CFAP100: variants seen among roughly 807,000 people sequenced by gnomAD.
CFAP100 encodes cilia and flagella associated protein 100.
A neutral mutation model predicts 81.5 loss-of-function variants in CFAP100; 70 were observed. The ratio of observed to expected loss-of-function variants is 0.86; its 90% CI spans 0.71 to 1.05. CFAP100 has a LOEUF of 1.05. CFAP100 is among the 50% of genes least tolerant of loss of function. The pLI, the probability that CFAP100 is intolerant of heterozygous loss-of-function variation, is 0.00. For missense variants in CFAP100, 811 were observed against 776.5 expected, an observed-to-expected ratio of 1.04 and a Z score of -0.53; for synonymous variants, 341 against 314.8, an observed-to-expected ratio of 1.08 and a Z score of -0.88.
Position 126,411,361 on chromosome 3 carries a change from GTTTTTTTTTTT to G in CFAP100, c.131-2708_131-2698del, listed in dbSNP as rs58954079. Among the ~76,000 whole-genome samples, 239 of 35,400 alleles carry G rather than the reference GTTTTTTTTTTT, an allele frequency of 6.8e-3. 2 individuals carry two copies. Among genetic ancestry groups the G allele is most frequent in the African/African-American group, 0.025 (210 of 8,302 alleles). The allele number at this position is 35,400 out of a possible 152,430, so 23.2% of individuals were successfully genotyped here. ...TCTGTAGTTTTTTTTGTTGTTGTTG[GTTTTTTTTTTT>G]TTTTTTTTTTTTTTTGCTCGTGTCC... On this transcript the variant is annotated intron_variant, in intron 3 of 16. Transcript: ENST00000352312.
intron 2 of CFAP100, among the ~76,000 whole-genome samples, chr3:126,401,870 G>A (rs1157719235): frequency 6.6e-6 from 1 of 152,150 alleles, no homozygotes; most frequent in Admixed American, 6.5e-5. Flanking sequence ...TGCCAGCCAT[G>A]CTGGCCCCAG....
intron 11 of CFAP100, chr3:126,420,632 G>A (rs138511853): frequency 1.0e-3 from 203 of 194,630 alleles, no homozygotes; most frequent in African/African-American, 4.6e-3. Flanking sequence ...TTTGAAAGGT[G>A]AGCTGAGGGC....
intron 10 of CFAP100, 30 bp downstream of exon 10, chr3:126,420,051 G>A (rs1384124492): frequency 6.2e-7 from 1 of 1,613,136 alleles, no homozygotes; most frequent in East Asian, 2.2e-5. Flanking sequence ...CTGAGGAGGA[G>A]CCTGGCTCTG....
chr3:126,411,705 C>T (rs995389217), intron 3 of CFAP100, among the ~76,000 whole-genome samples: 2 of 152,100 alleles, frequency 1.3e-5, no homozygotes, highest in African/African-American at 2.4e-5. Flanking sequence ...CATACATGTT[C>T]GTAGTAGTCT....
chr3:126,430,630 G>T, intron 13 of CFAP100, among the ~76,000 whole-genome samples: 1 of 150,218 alleles, frequency 6.7e-6, no homozygotes, highest in African/African-American at 2.5e-5. Flanking sequence ...TTGCCCTTTT[G>T]CTCCTCTAGC....
chr3:126,401,980 G>A (rs1424191091), intron 2 of CFAP100, among the ~76,000 whole-genome samples: 1 of 152,178 alleles, frequency 6.6e-6, no homozygotes, highest in South Asian at 2.1e-4. Context: ...TCCTCCGTGG[G>A]CTCCCTGATT....
At chr3:126,401,318 T>C (rs2082974915) in intron 2 of CFAP100, among the ~76,000 whole-genome samples, 1 of 148,306 alleles carries the variant, frequency 6.7e-6, no homozygotes, top group Non-Finnish European at 1.5e-5. Context: ...TAAAAATAAT[T>C]AAAATAGCAA....
At chr3:126,409,520 T>C (rs1038718550) in intron 3 of CFAP100, among the ~76,000 whole-genome samples, 2 of 152,192 alleles carry the variant, frequency 1.3e-5, no homozygotes, top group Non-Finnish European at 2.9e-5. Flanking sequence ...AGTGGATAAA[T>C]GAAGTTTTCC....
Position 126,419,075 on chromosome 3 carries a change from G to T in CFAP100, c.651-1G>T. On this transcript the variant is annotated splice_acceptor_variant, in intron 7 of 16. Coordinates refer to ENST00000352312, the MANE Select transcript of CFAP100 (RefSeq NM_182628.3). LOFTEE classifies it high-confidence loss of function. ...CTCCTCCCCCGCCGCCCAACCCCTA[G>T]GGCTGAGAAGGAGACCAAAGCCAAG... is the stretch of plus-strand genomic sequence containing the variant. 2 of 1,211,770 alleles carry T rather than the reference G, an allele frequency of 1.7e-6. No individual in the cohort carries two copies. The highest frequency in any genetic ancestry group is 4.1e-5 in the East Asian group (1 of 24,678). The allele number at this position is 1,211,770 out of a possible 1,614,324, so 75.1% of individuals were successfully genotyped here. A position where few individuals can be genotyped will look rare whatever the true frequency, so the allele number is the denominator to read the frequency against.
At chr3:126,422,468 G>A (rs147274830) in intron 11 of CFAP100, among the ~76,000 whole-genome samples, 24 of 146,908 alleles carry the variant, frequency 1.6e-4, no homozygotes, top group African/African-American at 4.7e-4. Flanking sequence ...TCCCTGAGGT[G>A]CCTGGGGCAA....
In CFAP100 at chr3:126,414,661, C is replaced by T. The variant is rs188567154; in HGVS notation, c.225+482C>T. ...CACGGCACGCACACACGTGCTCCTC[C>T]GGGTGCCTAGGATCCCTGGGCCAGC... is the stretch of plus-strand genomic sequence containing the variant. On this transcript the variant is annotated intron_variant, in intron 4 of 16. Coordinates refer to ENST00000352312, the MANE Select transcript of CFAP100 (RefSeq NM_182628.3). Among the ~76,000 whole-genome samples the T allele has an allele frequency of 1.5e-4, 23 of 152,336 alleles. No homozygotes were observed. The East Asian group carries it at 1.7e-3, about 12-fold the overall frequency.
intron 3 of CFAP100, among the ~76,000 whole-genome samples, chr3:126,407,682 T>G (rs2083088896): frequency 6.6e-6 from 1 of 152,208 alleles, no homozygotes; most frequent in Non-Finnish European, 1.5e-5. Context: ...TTCAGCCAAC[T>G]TAGCCTTCTA....
At chr3:126,400,777 A>G (rs1301161207) in intron 2 of CFAP100, among the ~76,000 whole-genome samples, 6 of 152,124 alleles carry the variant, frequency 3.9e-5, no homozygotes, top group Non-Finnish European at 7.3e-5. Context: ...GAAAAGAAAA[A>G]TAGGCAGTTC....
At chr3:126,424,761 A>C (rs1385189898) in intron 13 of CFAP100, among the ~76,000 whole-genome samples, 1 of 152,276 alleles carries the variant, frequency 6.6e-6, no homozygotes, top group Non-Finnish European at 1.5e-5. Flanking sequence ...AGGAAAATAA[A>C]GCAATTTGAG....
At chr3:126,414,429 C>T in intron 4 of CFAP100, 1 of 624,990 alleles carries the variant, frequency 1.6e-6, no homozygotes, top group Non-Finnish European at 2.9e-6. Context: ...ACTTCTTGGG[C>T]TGCTGTGGCA....
intron 2 of CFAP100, among the ~76,000 whole-genome samples, chr3:126,398,421 G>A (rs2082922492): frequency 6.6e-6 from 1 of 152,234 alleles, no homozygotes; most frequent in Admixed American, 6.5e-5. Flanking sequence ...CCAGGTACAA[G>A]ACTCCAGAAG....
At chr3:126,436,242 C>A in intron 16 of CFAP100, 49 bp from the exon 17 acceptor site, 2 of 1,446,878 alleles carry the variant, frequency 1.4e-6, no homozygotes, top group Non-Finnish European at 1.9e-6. Flanking sequence ...GGTATATGGG[C>A]ATACGGCTCA....
At chr3:126,421,801 A>T (rs1404220458) in intron 11 of CFAP100, among the ~76,000 whole-genome samples, 1 of 152,252 alleles carries the variant, frequency 6.6e-6, no homozygotes, top group Non-Finnish European at 1.5e-5. Flanking sequence ...CTTGTGGTGA[A>T]GACCAGCCAC....
chr3:126,436,140 C>T (rs951453687), intron 16 of CFAP100, 151 bp from the exon 17 acceptor site: 1 of 603,854 alleles, frequency 1.7e-6, no homozygotes, highest in Non-Finnish European at 3.0e-6. Flanking sequence ...CCAGTTATTT[C>T]AGAGTTAACT....
Sources: gnomAD v4.1 joint callset for allele counts (sites outside exome capture counted in the v4.1 genomes callset) on GRCh38, gnomAD v4.1.1 for gene constraint, MANE v1.5 for transcripts, NCBI Gene and HGNC (gene_info 2026-07-23, HGNC 2026-07-21) for gene names.